Variants in EML4 observed in about 807,000 individuals in gnomAD.
EML4 encodes echinoderm microtubule-associated protein-like 4.
In EML4, 72 loss-of-function variants were observed where a neutral mutation model predicts 129.0. The observed-to-expected ratio is 0.56, with a 90% CI of 0.46 to 0.68. EML4 has a LOEUF of 0.68. EML4 is among the 30% of genes least tolerant of loss of function. The probability of loss-of-function intolerance (pLI) is 0.00; values close to 1 mark genes in which losing one functional copy is unlikely to be tolerated. For missense variants in EML4, 1,363 were observed against 1,190.6 expected (o/e 1.14, Z -2.13); for synonymous variants, 532 against 405.0 (o/e 1.31, Z -3.77).
chr2:42,255,948 G>A (rs1676119045), intron 2 of EML4, among the ~76,000 whole-genome samples: 2 of 152,152 alleles, frequency 1.3e-5, no homozygotes, highest in Non-Finnish European at 2.9e-5. Flanking sequence ...AGTATAGATA[G>A]GACTGTTTTA....
At chr2:42,313,244 C>T (rs955782452) in intron 17 of EML4, among the ~76,000 whole-genome samples, 1 of 152,184 alleles carries the variant, frequency 6.6e-6, no homozygotes, top group Non-Finnish European at 1.5e-5. Context: ...GCATGAGCCA[C>T]CGCGCCTGGC....
At chr2:42,186,671 C>A (rs13411405) in intron 1 of EML4, among the ~76,000 whole-genome samples, 20,020 of 152,174 alleles carry the variant, frequency 0.13, 1,302 homozygotes, top group East Asian at 0.18. Flanking sequence ...TTTTCATTAT[C>A]AAATGCATTC....
intron 21 of EML4, among the ~76,000 whole-genome samples, chr2:42,328,387 T>G (rs1669923786): frequency 6.6e-6 from 1 of 152,258 alleles, no homozygotes; most frequent in Non-Finnish European, 1.5e-5. Context: ...GATAGCATGC[T>G]AAACTAGTGG....
intron 6 of EML4, among the ~76,000 whole-genome samples, chr2:42,272,284 C>A (rs1047887506): frequency 2.6e-5 from 4 of 152,086 alleles, no homozygotes; most frequent in African/African-American, 7.2e-5. Flanking sequence ...GTGCCACGTC[C>A]CTGAACTACA....
intron 1 of EML4, among the ~76,000 whole-genome samples, chr2:42,220,986 A>G (rs772617245): frequency 2.0e-5 from 3 of 152,196 alleles, no homozygotes; most frequent in African/African-American, 4.8e-5. Flanking sequence ...TGAAGCTAGC[A>G]GAGATTAGTT....
chr2:42,218,225 G>A (rs1837358), intron 1 of EML4, among the ~76,000 whole-genome samples: 2,960 of 152,048 alleles, frequency 0.019, 40 homozygotes, highest in Non-Finnish European at 0.031. Flanking sequence ...GCATGCAAGG[G>A]ATCTCGGTTG....
intron 1 of EML4, among the ~76,000 whole-genome samples, chr2:42,192,269 C>T (rs1429709789): frequency 1.4e-5 from 2 of 147,514 alleles, no homozygotes; most frequent in African/African-American, 5.0e-5. Flanking sequence ...AGTCTTGCTC[C>T]TCTGTTGCCC....
chr2:42,210,753 A>G (rs1389965893), intron 1 of EML4, among the ~76,000 whole-genome samples: 1 of 152,220 alleles, frequency 6.6e-6, no homozygotes, highest in Non-Finnish European at 1.5e-5. Context: ...CTTTGGCCAT[A>G]GGTTGGCTCC....
chr2:42,322,066 C>T (rs1042999693), intron 19 of EML4, among the ~76,000 whole-genome samples: 4 of 152,248 alleles, frequency 2.6e-5, no homozygotes, highest in African/African-American at 4.8e-5. Flanking sequence ...AAATTTTCCA[C>T]GTATCACAGA....
intron 6 of EML4, among the ~76,000 whole-genome samples, chr2:42,269,363 C>CT (rs1396492703): frequency 6.6e-6 from 1 of 152,136 alleles, no homozygotes; most frequent in Admixed American, 6.6e-5. Flanking sequence ...CTTTATTGTT[C>CT]TTTATCAGAT....
At chr2:42,277,799 C>G (rs1414621235) in intron 6 of EML4, among the ~76,000 whole-genome samples, 1 of 152,284 alleles carries the variant, frequency 6.6e-6, no homozygotes, top group African/African-American at 2.4e-5. Context: ...AAACTCCTGA[C>G]CTCGTGATCT....
chr2:42,232,666 C>T (rs978486929), intron 1 of EML4, among the ~76,000 whole-genome samples: 2 of 152,222 alleles, frequency 1.3e-5, no homozygotes, highest in Non-Finnish European at 2.9e-5. Context: ...CTGAGTCTTA[C>T]TTGTAGAAAC....
At chr2:42,264,129 T>TG (rs1491180777) in intron 5 of EML4, among the ~76,000 whole-genome samples, 4 of 102,844 alleles carry the variant, frequency 3.9e-5, no homozygotes, top group African/African-American at 9.2e-5. Flanking sequence ...TTTTTTTTTT[T>TG]GAGACAGTGT....
In EML4 at chr2:42,304,530, C is replaced by T. The variant is rs1411164188; in HGVS notation, c.1946C>T (p.Ala649Val). The T allele has an allele frequency of 1.2e-6, 2 of 1,613,808 alleles. No homozygotes were observed. Among genetic ancestry groups the T allele is most frequent in the African/African-American group, 1.3e-5 (1 of 74,996 alleles). Residue 649 changes from alanine to valine, a missense_variant, in exon 17 of 23, where the codon GCC becomes GTC. Physicochemically the swap from Ala to Val is moderately conservative, Grantham distance 64 (BLOSUM62 0). Transcript: ENST00000318522. Reference protein sequence around the residue: ...ADFHPSGTVVAIGTHSGRWFV... With the variant: ...ADFHPSGTVVVIGTHSGRWFV... Reference sequence around the variant, plus strand: ...TTTCATCCAAGTGGCACAGTGGTGGCCATAGGAACGCACTCAGGCAGGTAG... The same window carrying T: ...TTTCATCCAAGTGGCACAGTGGTGGTCATAGGAACGCACTCAGGCAGGTAG...
intron 1 of EML4, among the ~76,000 whole-genome samples, chr2:42,203,788 C>G (rs2103979182): frequency 6.6e-6 from 1 of 151,772 alleles, no homozygotes; most frequent in South Asian, 2.1e-4. Context: ...AGGCCTGGAC[C>G]TCAACAGTTT....
chr2:42,326,274 T>A (rs749179806), intron 21 of EML4, 22 bp downstream of exon 21: 1 of 1,541,682 alleles, frequency 6.5e-7, no homozygotes, highest in Non-Finnish European at 8.9e-7. Flanking sequence ...ACACCTGATG[T>A]AAAGAAGTGG....
At chr2:42,225,572 A>G (rs1298946073) in intron 1 of EML4, among the ~76,000 whole-genome samples, 1 of 152,192 alleles carries the variant, frequency 6.6e-6, no homozygotes, top group Non-Finnish European at 1.5e-5. Flanking sequence ...TTCAGAATGT[A>G]TAAAAGTTCT....
At chr2:42,322,729 G>A (rs1669584175) in intron 19 of EML4, among the ~76,000 whole-genome samples, 1 of 152,206 alleles carries the variant, frequency 6.6e-6, no homozygotes, top group Admixed American at 6.5e-5. Flanking sequence ...ATGGAGTAAA[G>A]TTTGAGGCTT....
At chr2:42,327,141 T>C (rs890606708) in intron 21 of EML4, among the ~76,000 whole-genome samples, 1 of 152,214 alleles carries the variant, frequency 6.6e-6, no homozygotes, top group African/African-American at 2.4e-5. Flanking sequence ...GCATAACGTT[T>C]TCAAGGTTTA....
Sources: gnomAD v4.1 joint callset for allele counts (sites outside exome capture counted in the v4.1 genomes callset) on GRCh38, gnomAD v4.1.1 for gene constraint, MANE v1.5 for transcripts, NCBI Gene and HGNC (gene_info 2026-07-23, HGNC 2026-07-21) for gene names.